NUP58: variants seen among roughly 807,000 people sequenced by gnomAD.
The protein encoded by NUP58 is nucleoporin p58/p45.
NUP58 carries 17 observed loss-of-function variants against 70.1 expected under a neutral mutation model. The observed-to-expected ratio is 0.24, with a 90% CI of 0.17 to 0.36. The LOEUF is 0.36. Among genes scored for constraint, NUP58 ranks in the 10% least tolerant of loss-of-function variants. The probability of loss-of-function intolerance (pLI) is 1.00; values close to 1 mark genes in which losing one functional copy is unlikely to be tolerated. For missense variants in NUP58, 644 were observed against 701.5 expected (o/e 0.92, Z 0.93); for synonymous variants, 275 against 257.6 (o/e 1.07, Z -0.65).
At position 25,331,348 on chromosome 13, in the gene NUP58, T is replaced by C. The variant is rs1418744320; in HGVS notation, c.1234-9T>C. 3 of 1,612,682 alleles carry C rather than the reference T, an allele frequency of 1.9e-6. No homozygotes were observed. The highest frequency in any genetic ancestry group is 2.5e-6 in the Non-Finnish European group (3 of 1,178,934). ...CTTCATTTAGCCGTTTTGTTTATTA[T>C]TCTTTTAGGTTCTGAAAGAACAGTA... On this transcript the variant is annotated splice_polypyrimidine_tract_variant and intron_variant, in intron 12 of 15. Coordinates refer to ENST00000381736, the MANE Select transcript of NUP58 (RefSeq NM_014089.4).
Position 25,341,321 on chromosome 13 carries a change from C to G in NUP58, c.*1187C>G, listed in dbSNP as rs2031949263. 1 of 152,564 alleles carries G rather than the reference C, an allele frequency of 6.6e-6. No homozygotes were observed. The highest frequency in any genetic ancestry group is 2.4e-5 in the African/African-American group (1 of 41,438). 9.5% of individuals were successfully genotyped at this position (152,564 alleles called of 1,614,324 possible). ...ATGAACTTTCAGGAGCCTATTTGAA[C>G]TCCAGACTGGTGTTCTGGGGCAAAG... On this transcript the variant is annotated 3_prime_UTR_variant, in exon 16 of 16. Transcript: ENST00000381736.
intron 13 of NUP58, 153 bp downstream of exon 13, chr13:25,331,711 C>T (rs2031612545): frequency 1.4e-6 from 2 of 1,438,910 alleles, no homozygotes; most frequent in Non-Finnish European, 1.8e-6. Flanking sequence ...CGATTATAAA[C>T]ATACCTGATA....
intron 13 of NUP58, chr13:25,333,113 C>T (rs1183700207): frequency 3.0e-6 from 3 of 985,002 alleles, no homozygotes; most frequent in Non-Finnish European, 3.6e-6. Context: ...GCAAAATCTC[C>T]TGTCAAGGGT....
At chr13:25,347,063 T>G (rs1478772076), downstream of NUP58, among the ~76,000 whole-genome samples, 2 of 152,134 alleles carry the variant, frequency 1.3e-5, no homozygotes, top group African/African-American at 4.8e-5. Context: ...TTCATTTATG[T>G]TTTTTATACA....
intron 10 of NUP58, 59 bp from the exon 11 acceptor site, chr13:25,326,857 G>T: frequency 1.1e-6 from 1 of 899,642 alleles, no homozygotes; most frequent in South Asian, 1.7e-5. Flanking sequence ...TCCTTAATTT[G>T]GATTTGTCAC....
chr13:25,305,786 G>A (rs1566055491), intron 1 of NUP58, among the ~76,000 whole-genome samples: 1 of 152,000 alleles, frequency 6.6e-6, no homozygotes, highest in African/African-American at 2.4e-5. Context: ...ATTATCTCCT[G>A]CTTGAGTATT....
chr13:25,339,953 C>A lies in NUP58; in HGVS notation c.1631-12C>A, dbSNP rs376493799. The A allele has an allele frequency of 3.3e-6, 5 of 1,534,496 alleles. No individual in the cohort carries two copies. The highest frequency in any genetic ancestry group is 4.4e-6 in the Non-Finnish European group (5 of 1,145,846). On this transcript the variant is annotated splice_polypyrimidine_tract_variant and intron_variant, in intron 15 of 15. Coordinates refer to ENST00000381736, the MANE Select transcript of NUP58 (RefSeq NM_014089.4). ...AACTTCTGATATGAATATTTTTTTC[C>A]CTAAACATAAGGCTTTGGCAGCTCA...
At chr13:25,326,277 G>A (rs753831369) in intron 10 of NUP58, among the ~76,000 whole-genome samples, 1 of 150,970 alleles carries the variant, frequency 6.6e-6, no homozygotes, top group Admixed American at 6.6e-5. Flanking sequence ...TGCATTCATG[G>A]TTGCCCATTG....
intron 13 of NUP58, chr13:25,335,357 G>A (rs972283402): frequency 3.3e-5 from 33 of 985,260 alleles, no homozygotes; most frequent in Non-Finnish European, 3.9e-5. Flanking sequence ...GGGCTGTGGT[G>A]TGCATTATTC....
At chr13:25,348,886 A>G (rs547046958) in intron 3 of NUP58, among the ~76,000 whole-genome samples, 7 of 152,118 alleles carry the variant, frequency 4.6e-5, no homozygotes, top group African/African-American at 7.2e-5. Flanking sequence ...TTTTCGTAAC[A>G]TACAAAGCCC....
chr13:25,320,328 A>G (rs2031127353), intron 7 of NUP58: 1 of 427,730 alleles, frequency 2.3e-6, no homozygotes, highest in Admixed American at 4.5e-5. Context: ...TTCATGTCAG[A>G]TGAATTGTTA....
intron 13 of NUP58, chr13:25,334,691 A>C (rs183395411): frequency 2.0e-6 from 2 of 979,464 alleles, no homozygotes; most frequent in Admixed American, 1.2e-4. Flanking sequence ...ATCATGGAAA[A>C]TTATAAAATA....
downstream of NUP58, among the ~76,000 whole-genome samples, chr13:25,346,555 A>G (rs2032052693): frequency 2.0e-5 from 3 of 152,100 alleles, no homozygotes; most frequent in Admixed American, 1.3e-4. Context: ...CCCTGTCTCT[A>G]CTAAAAATAC....
chr13:25,339,937 TATGA>T (rs1333289422), intron 15 of NUP58, 24 bp from the exon 16 acceptor site: 1 of 1,537,112 alleles, frequency 6.5e-7, no homozygotes, highest in African/African-American at 1.4e-5. Flanking sequence ...CAACTTCTGA[TATGA>T]ATATTTTTTT....
chr13:25,317,765 C>G (rs2030999575), intron 6 of NUP58: 1 of 148,154 alleles, frequency 6.7e-6, no homozygotes, highest in East Asian at 2.0e-4. Context: ...AAATACAAAA[C>G]ATGGAAACAT....
chr13:25,320,813 T>C, intron 8 of NUP58, 106 bp from the exon 9 acceptor site: 1 of 804,696 alleles, frequency 1.2e-6, no homozygotes, highest in Non-Finnish European at 1.9e-6. Context: ...AGATGAATTT[T>C]TAGTTTTGTA....
In NUP58 at chr13:25,336,609, G is replaced by A. The variant is rs73470466; in HGVS notation, c.1436-327G>A. 5.0e-3 allele frequency among the ~76,000 whole-genome samples: 754 copies of A among 152,126 alleles called. 4 individuals are homozygous for A. The highest frequency in any genetic ancestry group is 0.017 in the African/African-American group (705 of 41,516). ...AAATAATTCTAGAAGTAAATCTAAA[G>A]GAATGATAATTTATGATACATTAAA... On this transcript the variant is annotated intron_variant, in intron 13 of 15. Coordinates refer to ENST00000381736, the MANE Select transcript of NUP58 (RefSeq NM_014089.4).
Position 25,308,048 on chromosome 13 carries a change from G to A in NUP58, c.250+100G>A, listed in dbSNP as rs545728017. ...TTTACAAGGATCATCACTGGTAGTA[G>A]ACCTTAAAAAATGGTAAATGCTAAG... On this transcript the variant is annotated intron_variant, in intron 2 of 15. Transcript: ENST00000381736. 41 of 1,352,384 alleles carry A rather than the reference G, an allele frequency of 3.0e-5. No homozygotes were observed. The East Asian group carries it at 9.1e-4, about 30-fold the overall frequency. 83.8% of individuals were successfully genotyped at this position (1,352,384 alleles called of 1,614,324 possible). A position where few individuals can be genotyped will look rare whatever the true frequency, so the allele number is the denominator to read the frequency against.
In NUP58 at chr13:25,301,698, C is replaced by T; in HGVS notation, c.-76C>T. ...GCCGGGCGAGAGAGATGCTGCCCGG[C>T]CCGCCTCGGCTTTGAGGCGAGAGAA... On this transcript the variant is annotated 5_prime_UTR_variant, in exon 1 of 16. Coordinates refer to ENST00000381736, the MANE Select transcript of NUP58 (RefSeq NM_014089.4). The T allele has an allele frequency of 4.0e-6, 3 of 759,120 alleles. No individual in the cohort carries two copies. Among genetic ancestry groups the T allele is most frequent in the South Asian group, 2.4e-5 (1 of 40,906 alleles). The allele number at this position is 759,120 out of a possible 1,614,324, so 47.0% of individuals were successfully genotyped here.
Sources: gnomAD v4.1 joint callset for allele counts (sites outside exome capture counted in the v4.1 genomes callset) on GRCh38, gnomAD v4.1.1 for gene constraint, MANE v1.5 for transcripts, NCBI Gene and HGNC (gene_info 2026-07-23, HGNC 2026-07-21) for gene names.